Variants in ITGA2 observed in about 807,000 individuals in gnomAD.
ITGA2 encodes the protein integrin subunit alpha 2.
ITGA2 carries 101 observed loss-of-function variants against 146.3 expected under a neutral mutation model. The ratio of observed to expected loss-of-function variants is 0.69; its 90% CI spans 0.59 to 0.81. ITGA2 has a LOEUF of 0.81. Among genes scored for constraint, ITGA2 ranks in the 40% least tolerant of loss-of-function variants. ITGA2 has a pLI of 0.00. For synonymous variants in ITGA2, 477 were observed against 487.1 expected (o/e 0.98, Z 0.27); for missense variants, 1,281 against 1,402.7 (o/e 0.91, Z 1.39).
In ITGA2 at chr5:53,042,310, A is replaced by G. The variant is rs145516462; in HGVS notation, c.295+89A>G. ...GAACAATCATTGTTCTGTCTTAAAG[A>G]AATACAGACAGCTTTTTTTTGCCCT... On this transcript the variant is annotated intron_variant, in intron 3 of 29. Coordinates refer to ENST00000296585, the MANE Select transcript of ITGA2 (RefSeq NM_002203.4). 5.9e-4 allele frequency: 526 copies of G among 897,956 alleles called. 10 individuals carry two copies. In the East Asian group the frequency reaches 0.013, roughly 22 times the overall value. The allele number at this position is 897,956 out of a possible 1,614,324, so 55.6% of individuals were successfully genotyped here. A position where few individuals can be genotyped will look rare whatever the true frequency, so the allele number is the denominator to read the frequency against.
At chr5:53,075,435 C>T (rs996867560) in intron 23 of ITGA2, 131 bp downstream of exon 23, 3 of 778,176 alleles carry the variant, frequency 3.9e-6, no homozygotes, top group African/African-American at 1.7e-5. Context: ...TTCTTGTCAA[C>T]TAAAACAGGA....
Position 53,062,904 on chromosome 5 carries a change from G to T in ITGA2, c.1577G>T (p.Arg526Ile). The change falls in exon 13 of 30, where the codon AGA (arginine) becomes ATA (isoleucine). Residue 526 changes from arginine (R) to isoleucine (I), a missense_variant. This residue lies in a region of ITGA2 where 795 missense variants were observed against 841.7 expected (regional missense o/e 0.94). Coordinates refer to ENST00000296585, the MANE Select transcript of ITGA2 (RefSeq NM_002203.4). ...YMSDLKKEEG[R>I]VYLFTIKEGI... ...AGTGACCTAAAGAAAGAGGAAGGAA[G>T]AGTCTACCTGTTTACTATCAAAGAG... is the stretch of plus-strand genomic sequence containing the variant. The T allele has an allele frequency of 6.2e-7, 1 of 1,609,006 alleles. No homozygotes were observed. The highest frequency in any genetic ancestry group is 8.5e-7 in the Non-Finnish European group (1 of 1,177,222).
At chr5:53,067,954 C>A (rs1435031054) in intron 16 of ITGA2, among the ~76,000 whole-genome samples, 2 of 151,866 alleles carry the variant, frequency 1.3e-5, no homozygotes, top group Non-Finnish European at 2.9e-5. Flanking sequence ...TCTCTTCTGC[C>A]CCAATTATCT....
At chr5:53,007,488 TGA>T (rs1046034108) in intron 1 of ITGA2, among the ~76,000 whole-genome samples, 2 of 151,750 alleles carry the variant, frequency 1.3e-5, no homozygotes, top group Non-Finnish European at 2.9e-5. Flanking sequence ...TATGCTATTT[TGA>T]GAGAGAGAAA....
chr5:53,058,665 G>A (rs1309375961), intron 10 of ITGA2, among the ~76,000 whole-genome samples: 2 of 151,162 alleles, frequency 1.3e-5, no homozygotes, highest in Non-Finnish European at 3.0e-5. Flanking sequence ...AGGTGAGAGA[G>A]ATAGTGAAAG....
chr5:53,075,674 T>C (rs1262738224), intron 23 of ITGA2, among the ~76,000 whole-genome samples: 1 of 151,920 alleles, frequency 6.6e-6, no homozygotes, highest in Non-Finnish European at 1.5e-5. Flanking sequence ...TACTTCCCAT[T>C]GTATGTGAGA....
chr5:53,036,259 G>C (rs2406598), intron 2 of ITGA2, among the ~76,000 whole-genome samples: 104,534 of 152,026 alleles, frequency 0.69, 36,311 homozygotes, highest in Admixed American at 0.74. Context: ...TCAATACAAT[G>C]ATTCCCAACA....
intron 1 of ITGA2, among the ~76,000 whole-genome samples, chr5:53,007,594 G>T (rs1487435649): frequency 2.6e-5 from 4 of 152,114 alleles, no homozygotes; most frequent in African/African-American, 9.7e-5. Context: ...GACTTCATGA[G>T]ATGGTATTTC....
chr5:53,041,053 A>G (rs1743771776), intron 2 of ITGA2, among the ~76,000 whole-genome samples: 1 of 152,132 alleles, frequency 6.6e-6, no homozygotes, highest in Non-Finnish European at 1.5e-5. Context: ...ATAATTATAA[A>G]ATATATATAC....
chr5:53,093,623 G>A lies in ITGA2; in HGVS notation c.*3024G>A, dbSNP rs1211348454. The A allele has an allele frequency of 6.6e-6, 1 of 152,150 alleles. No homozygotes were observed. Among genetic ancestry groups the A allele is most frequent in the Non-Finnish European group, 1.5e-5 (1 of 68,032 alleles). The allele number at this position is 152,150 out of a possible 1,614,324, so 9.4% of individuals were successfully genotyped here. On this transcript the variant is annotated 3_prime_UTR_variant, in exon 30 of 30. Transcript: ENST00000296585. ...ATTTCTCAAGCACTTTTAAGCAAAGGTAAGTATTCATACAAGAAATTTAGG... is the reference window on the plus strand; with the variant it reads ...ATTTCTCAAGCACTTTTAAGCAAAGATAAGTATTCATACAAGAAATTTAGG...
intron 2 of ITGA2, among the ~76,000 whole-genome samples, chr5:53,032,703 C>A (rs1743280984): frequency 6.6e-6 from 1 of 152,078 alleles, no homozygotes; most frequent in African/African-American, 2.4e-5. Context: ...ATGAAAAATT[C>A]TGTTAGAGAA....
At chr5:53,051,602 A>G (rs777314082) in intron 7 of ITGA2, 43 bp downstream of exon 7, 3 of 1,567,310 alleles carry the variant, frequency 1.9e-6, no homozygotes, top group South Asian at 1.1e-5. Flanking sequence ...ATAATGTAAA[A>G]CATTATATTT....
intron 2 of ITGA2, 75 bp from the exon 3 acceptor site, chr5:53,042,037 A>G: frequency 2.2e-6 from 2 of 902,948 alleles, no homozygotes; most frequent in East Asian, 4.9e-5. Context: ...TGTGTTTTTC[A>G]CTGTTTGTGA....
At position 53,052,551 on chromosome 5, in the gene ITGA2, T is replaced by C. The variant is rs544718092; in HGVS notation, c.779+992T>C. ...CCTTCTTTTTACCACCATAATTCTT[T>C]TTGAAAAAAGCAACTCTATTCCCTC... On this transcript the variant is annotated intron_variant, in intron 7 of 29. Transcript: ENST00000296585. Among the ~76,000 whole-genome samples, 6 of 152,126 alleles carry C rather than the reference T, an allele frequency of 3.9e-5. No individual in the cohort carries two copies. The South Asian group carries it at 6.2e-4, about 16-fold the overall frequency.
At chr5:53,035,566 A>C (rs1271451656) in intron 2 of ITGA2, among the ~76,000 whole-genome samples, 2 of 152,228 alleles carry the variant, frequency 1.3e-5, no homozygotes, top group African/African-American at 4.8e-5. Context: ...TATATGCCAA[A>C]GAATTTAACT....
chr5:53,073,830 T>G lies in ITGA2; in HGVS notation c.2572-555T>G, dbSNP rs867766035. 2.7e-4 allele frequency among the ~76,000 whole-genome samples: 41 copies of G among 151,652 alleles called. No homozygotes were observed. The South Asian group carries it at 5.2e-3, about 19-fold the overall frequency. ...ACAATGATTTCATTTAATTTAGAGT[T>G]AATGTGATCTTAATAGGCTTAGAGT... On this transcript the variant is annotated intron_variant, in intron 20 of 29. Transcript: ENST00000296585.
chr5:52,989,453 C>G lies in ITGA2; in HGVS notation c.-16C>G. ...TGCAAACCCAGCGCAACTACGGTCC[C>G]CCGGTCAGACCCAGGATGGGGCCAG... On this transcript the variant is annotated 5_prime_UTR_variant, in exon 1 of 30. Transcript: ENST00000296585. 1 of 1,614,132 alleles carries G rather than the reference C, an allele frequency of 6.2e-7. No individual in the cohort carries two copies. The highest frequency in any genetic ancestry group is 8.5e-7 in the Non-Finnish European group (1 of 1,179,946).
intron 27 of ITGA2, among the ~76,000 whole-genome samples, chr5:53,085,936 C>G (rs770564070): frequency 6.6e-6 from 1 of 152,002 alleles, no homozygotes; most frequent in Non-Finnish European, 1.5e-5. Flanking sequence ...CCAGACAGAG[C>G]CTTGCTCTGT....
intron 2 of ITGA2, among the ~76,000 whole-genome samples, chr5:53,035,879 T>G (rs1403005697): frequency 1.3e-5 from 2 of 152,172 alleles, no homozygotes; most frequent in Non-Finnish European, 2.9e-5. Flanking sequence ...AAATATCCCC[T>G]TGGATGGCTC....
Sources: allele counts gnomAD v4.1 joint callset (sites outside exome capture counted in the v4.1 genomes callset), GRCh38; gene constraint gnomAD v4.1.1; regional missense constraint gnomAD v4.1.1; transcripts MANE v1.5; gene names NCBI Gene and HGNC (gene_info 2026-07-23, HGNC 2026-07-21).